Variants in SRGAP1 observed in about 807,000 individuals in gnomAD.
The protein encoded by SRGAP1 is SLIT-ROBO Rho GTPase-activating protein 1.
In SRGAP1, 43 loss-of-function variants were observed where a neutral mutation model predicts 121.9. That is an observed-to-expected ratio of 0.35 (90% CI 0.28 to 0.46). SRGAP1 has a LOEUF of 0.46. Among genes scored for constraint, SRGAP1 ranks in the 20% least tolerant of loss-of-function variants. The probability of loss-of-function intolerance (pLI) is 1.00; values close to 1 mark genes in which losing one functional copy is unlikely to be tolerated. For synonymous variants in SRGAP1, 447 were observed against 485.4 expected (o/e 0.92, Z 1.04); for missense variants, 1,102 against 1,350.9 (o/e 0.82, Z 2.89).
chr12:64,025,818 C>T (rs192299724), intron 4 of SRGAP1, among the ~76,000 whole-genome samples: 6 of 152,276 alleles, frequency 3.9e-5, no homozygotes, highest in Non-Finnish European at 7.4e-5. Flanking sequence ...TTGGCCTTGA[C>T]GCACACTGAC....
At chr12:64,092,975 T>C (rs2036082752) in intron 12 of SRGAP1, among the ~76,000 whole-genome samples, 1 of 152,146 alleles carries the variant, frequency 6.6e-6, no homozygotes, top group African/African-American at 2.4e-5. Context: ...AAAATTCACT[T>C]ATAGGAGCTC....
At chr12:64,041,052 AT>A (rs1353772799) in intron 4 of SRGAP1, among the ~76,000 whole-genome samples, 1 of 152,156 alleles carries the variant, frequency 6.6e-6, no homozygotes, top group African/African-American at 2.4e-5. Flanking sequence ...ATATTCCTAA[AT>A]TTATTAAAAT....
intron 4 of SRGAP1, among the ~76,000 whole-genome samples, chr12:64,034,232 C>G (rs1361556924): frequency 6.6e-6 from 1 of 152,092 alleles, no homozygotes; most frequent in Non-Finnish European, 1.5e-5. Flanking sequence ...AGAGTTCTCA[C>G]AAGATCTGGC....
chr12:63,983,124 T>C (rs765145910), intron 1 of SRGAP1: 9 of 152,318 alleles, frequency 5.9e-5, no homozygotes, highest in Non-Finnish European at 1.0e-4. Flanking sequence ...AGGCACAGCA[T>C]CCCTATAAGC....
In SRGAP1 at chr12:63,969,362, A is replaced by G. The variant is rs899289468; in HGVS notation, c.68-14585A>G. On this transcript the variant is annotated intron_variant, in intron 1 of 21. Coordinates refer to ENST00000355086, the MANE Select transcript of SRGAP1 (RefSeq NM_020762.4). ...AGCGGTGGGGGTGGGGAGGTCTTATAACCGAATAACCTACTCTTTCGTTCT... is the reference window on the plus strand; with the variant it reads ...AGCGGTGGGGGTGGGGAGGTCTTATGACCGAATAACCTACTCTTTCGTTCT... Among the ~76,000 whole-genome samples the G allele has an allele frequency of 2.6e-5, 4 of 152,290 alleles. No homozygotes were observed. In the South Asian group the frequency reaches 8.3e-4, roughly 32 times the overall value.
At chr12:64,028,911 G>T (rs544133501) in intron 4 of SRGAP1, among the ~76,000 whole-genome samples, 142 of 152,304 alleles carry the variant, frequency 9.3e-4, no homozygotes, top group African/African-American at 3.3e-3. Flanking sequence ...CATTCACTGT[G>T]TACCAGTGAT....
At chr12:64,070,039 TA>T (rs2035612326) in intron 8 of SRGAP1, among the ~76,000 whole-genome samples, 2 of 152,192 alleles carry the variant, frequency 1.3e-5, no homozygotes, top group South Asian at 4.1e-4. Flanking sequence ...CGGCTCACAT[TA>T]CTCATTTCAG....
intron 1 of SRGAP1, among the ~76,000 whole-genome samples, chr12:63,949,378 G>T (rs1411526249): frequency 2.1e-5 from 3 of 141,428 alleles, no homozygotes; most frequent in Non-Finnish European, 4.6e-5. Flanking sequence ...TGGTGTCTTG[G>T]ATCAGACATT....
intron 4 of SRGAP1, among the ~76,000 whole-genome samples, chr12:64,026,070 G>T (rs2136479735): frequency 6.6e-6 from 1 of 151,000 alleles, no homozygotes; most frequent in South Asian, 2.1e-4. Flanking sequence ...TATACCACAA[G>T]TAAGGCTGTC....
chr12:63,870,353 A>G (rs1195339247), intron 1 of SRGAP1, among the ~76,000 whole-genome samples: 1 of 152,104 alleles, frequency 6.6e-6, no homozygotes, highest in Non-Finnish European at 1.5e-5. Flanking sequence ...AGTAAAAGAA[A>G]AACATAAGAA....
chr12:64,059,770 T>C (rs1254666172), intron 6 of SRGAP1, among the ~76,000 whole-genome samples: 1 of 152,208 alleles, frequency 6.6e-6, no homozygotes, highest in African/African-American at 2.4e-5. Flanking sequence ...ACTTTGTTCA[T>C]CTGGGACTAG....
At chr12:64,015,521 A>C (rs2034379494) in intron 3 of SRGAP1, among the ~76,000 whole-genome samples, 1 of 152,170 alleles carries the variant, frequency 6.6e-6, no homozygotes, top group African/African-American at 2.4e-5. Context: ...AAATACTGCT[A>C]ATGAATTTAA....
intron 1 of SRGAP1, among the ~76,000 whole-genome samples, chr12:63,880,513 C>T (rs957316769): frequency 4.6e-5 from 7 of 152,138 alleles, no homozygotes; most frequent in African/African-American, 9.7e-5. Flanking sequence ...GTATTACAGG[C>T]GTGAGCCACC....
chr12:64,038,394 G>C (rs529459994), intron 4 of SRGAP1, among the ~76,000 whole-genome samples: 1 of 152,134 alleles, frequency 6.6e-6, no homozygotes, highest in Non-Finnish European at 1.5e-5. Context: ...AAGTAATCAA[G>C]AGGCATTAAA....
chr12:64,144,110 A>G lies in SRGAP1; in HGVS notation c.*1438A>G, dbSNP rs1003793768. ...AATTTTTTAAGCCTATATTTATGCT[A>G]CATTTTCCCCCATCTTAAGAAAATT... On this transcript the variant is annotated 3_prime_UTR_variant, in exon 22 of 22. Transcript: ENST00000355086. 2 of 152,198 alleles carry G rather than the reference A, an allele frequency of 1.3e-5. No individual in the cohort carries two copies. Among genetic ancestry groups the G allele is most frequent in the African/African-American group, 4.8e-5 (2 of 41,440 alleles). 9.4% of individuals were successfully genotyped at this position (152,198 alleles called of 1,614,324 possible). A position where few individuals can be genotyped will look rare whatever the true frequency, so the allele number is the denominator to read the frequency against.
At position 64,142,933 on chromosome 12, in the gene SRGAP1, A is replaced by G. The variant is rs777208747; in HGVS notation, c.*261A>G. On this transcript the variant is annotated 3_prime_UTR_variant, in exon 22 of 22. Transcript: ENST00000355086. Reference sequence around the variant, plus strand: ...GACTTACTTGAAAATCCAATGCTGCACCACTTGTAATGAAGGCAACACCGC... The same window carrying G: ...GACTTACTTGAAAATCCAATGCTGCGCCACTTGTAATGAAGGCAACACCGC... The G allele has an allele frequency of 2.2e-6, 1 of 454,868 alleles. No individual in the cohort carries two copies. Among genetic ancestry groups the G allele is most frequent in the Non-Finnish European group, 4.0e-6 (1 of 252,454 alleles). The allele number at this position is 454,868 out of a possible 1,614,324, so 28.2% of individuals were successfully genotyped here. A position where few individuals can be genotyped will look rare whatever the true frequency, so the allele number is the denominator to read the frequency against.
At chr12:64,100,176 T>C (rs2036231126) in intron 15 of SRGAP1, among the ~76,000 whole-genome samples, 2 of 152,236 alleles carry the variant, frequency 1.3e-5, no homozygotes, top group Non-Finnish European at 2.9e-5. Flanking sequence ...GACTATAAAC[T>C]GTGGTCACAT....
intron 4 of SRGAP1, among the ~76,000 whole-genome samples, chr12:64,021,521 A>G (rs1368321600): frequency 1.3e-5 from 2 of 152,206 alleles, no homozygotes; most frequent in Admixed American, 1.3e-4. Flanking sequence ...TAAGGCTCAG[A>G]GGGACTTGCC....
rs1048824143 is a variant in SRGAP1 at position 64,148,346 on chromosome 12, A to G, written c.*5674A>G. 2.0e-5 allele frequency: 3 copies of G among 148,388 alleles called. No individual in the cohort carries two copies. Among genetic ancestry groups the G allele is most frequent in the East Asian group, 3.9e-4 (2 of 5,068 alleles). The allele number at this position is 148,388 out of a possible 1,614,324, so 9.2% of individuals were successfully genotyped here. A position where few individuals can be genotyped will look rare whatever the true frequency, so the allele number is the denominator to read the frequency against. ...ACCCAGGCTGTAGTGCAGTGGTGCA[A>G]TCTCAGCTCACTGCAACCTCCCCCT... On this transcript the variant is annotated 3_prime_UTR_variant, in exon 22 of 22. Transcript: ENST00000355086.
Sources: allele counts gnomAD v4.1 joint callset (sites outside exome capture counted in the v4.1 genomes callset), GRCh38; gene constraint gnomAD v4.1.1; transcripts MANE v1.5; gene names NCBI Gene and HGNC (gene_info 2026-07-23, HGNC 2026-07-21).